DCLK1: variants seen among roughly 807,000 people sequenced by gnomAD.
DCLK1 encodes serine/threonine-protein kinase DCLK1.
Under a neutral mutation model 86.2 loss-of-function variants are expected in DCLK1, and 16 were observed. The ratio of observed to expected loss-of-function variants is 0.19; its 90% confidence interval spans 0.13 to 0.28. DCLK1 has a LOEUF of 0.28. DCLK1 is among the 10% of genes least tolerant of loss of function. The pLI is 1.00. For missense variants in DCLK1, 590 were observed against 940.2 expected (o/e 0.63, Z 4.87); for synonymous variants, 369 against 370.5 (o/e 1.00, Z 0.05).
At chr13:35,900,302 AC>A (rs567057235) in intron 4 of DCLK1, among the ~76,000 whole-genome samples, 2,128 of 149,438 alleles carry the variant, frequency 0.014, 20 homozygotes, top group South Asian at 0.03. Context: ...GTGCAGTGGC[AC>A]CATCTTGGCT....
chr13:36,019,938 T>A (rs1881699572), intron 3 of DCLK1, among the ~76,000 whole-genome samples: 1 of 152,126 alleles, frequency 6.6e-6, no homozygotes, highest in African/African-American at 2.4e-5. Context: ...TAATGGAAAG[T>A]GTTTGGGTCA....
intron 3 of DCLK1, among the ~76,000 whole-genome samples, chr13:36,020,692 G>C (rs1175601070): frequency 2.0e-5 from 3 of 152,050 alleles, no homozygotes; most frequent in Non-Finnish European, 2.9e-5. Flanking sequence ...TGGAAACGGT[G>C]GTGACCAGAA....
At chr13:36,033,793 C>T (rs1338288018) in intron 3 of DCLK1, among the ~76,000 whole-genome samples, 5 of 152,220 alleles carry the variant, frequency 3.3e-5, no homozygotes, top group East Asian at 1.9e-4. Flanking sequence ...GGCGTGGTGA[C>T]GCATGCCTGT....
intron 5 of DCLK1, among the ~76,000 whole-genome samples, chr13:35,857,272 T>A (rs1871115639): frequency 6.6e-6 from 1 of 152,138 alleles, no homozygotes; most frequent in South Asian, 2.1e-4. Flanking sequence ...GACCCTTTGC[T>A]CATTTATAGT....
At chr13:35,778,014 T>C (rs572172197) in intron 16 of DCLK1, among the ~76,000 whole-genome samples, 1 of 152,260 alleles carries the variant, frequency 6.6e-6, no homozygotes, top group African/African-American at 2.4e-5. Context: ...TCTCTGTGTT[T>C]TCCACAGTTC....
rs540674171 is a variant in DCLK1, at chr13:35,989,518, C to T, written c.724-42061G>A. Reference sequence around the variant, plus strand: ...AACTCCTGACCTCAGGTGATCCACCCGCCTCGGCTTCCCAAAGTGCTGGGA... The same window carrying T: ...AACTCCTGACCTCAGGTGATCCACCTGCCTCGGCTTCCCAAAGTGCTGGGA... On this transcript the variant is annotated intron_variant, in intron 3 of 16. Coordinates refer to ENST00000360631, the MANE Select transcript of DCLK1 (RefSeq NM_001330071.2). Among the ~76,000 whole-genome samples the T allele has an allele frequency of 5.3e-5, 8 of 152,132 alleles. No homozygotes were observed. In the South Asian group the frequency reaches 6.2e-4, roughly 12 times the overall value.
At chr13:36,111,734 G>T in intron 3 of DCLK1, 135 bp downstream of exon 3, 1 of 690,298 alleles carries the variant, frequency 1.4e-6, no homozygotes, top group Non-Finnish European at 2.4e-6. Context: ...TCTAGGGCCA[G>T]CAAGTACATA....
intron 3 of DCLK1, among the ~76,000 whole-genome samples, chr13:35,979,105 T>C (rs1170418473): frequency 2.0e-5 from 3 of 152,176 alleles, no homozygotes; most frequent in Non-Finnish European, 4.4e-5. Context: ...CAATCTCACA[T>C]ACAGATCTCT....
intron 4 of DCLK1, among the ~76,000 whole-genome samples, chr13:35,883,086 G>A (rs779313428): frequency 6.6e-6 from 1 of 152,150 alleles, no homozygotes; most frequent in Non-Finnish European, 1.5e-5. Flanking sequence ...AGGAAAGCAG[G>A]CACCAGATTA....
chr13:36,101,572 C>T (rs1280159237), intron 3 of DCLK1, among the ~76,000 whole-genome samples: 3 of 152,132 alleles, frequency 2.0e-5, no homozygotes, highest in Non-Finnish European at 4.4e-5. Flanking sequence ...CTGAGCAGCT[C>T]TTCTGAAACT....
At chr13:36,072,718 G>A (rs374158479) in intron 3 of DCLK1, among the ~76,000 whole-genome samples, 1 of 152,154 alleles carries the variant, frequency 6.6e-6, no homozygotes, top group Non-Finnish European at 1.5e-5. Context: ...AGATGCCAAT[G>A]AGTCTCAAAA....
At chr13:36,025,492 G>A (rs1230322955) in intron 3 of DCLK1, among the ~76,000 whole-genome samples, 3 of 152,152 alleles carry the variant, frequency 2.0e-5, no homozygotes, top group Non-Finnish European at 1.5e-5. Flanking sequence ...GTTCATCATT[G>A]ATTAATTGAT....
At chr13:35,848,056 C>T (rs1870339936) in intron 6 of DCLK1, 1 of 985,268 alleles carries the variant, frequency 1.0e-6, no homozygotes, top group Non-Finnish European at 1.2e-6. Flanking sequence ...ACAATGTCTA[C>T]ATCTAAGAAA....
chr13:35,851,076 T>C (rs188239108), intron 6 of DCLK1, among the ~76,000 whole-genome samples: 1 of 152,288 alleles, frequency 6.6e-6, no homozygotes, highest in East Asian at 1.9e-4. Flanking sequence ...TCCACTACTA[T>C]GTGACTAGGC....
intron 8 of DCLK1, among the ~76,000 whole-genome samples, chr13:35,831,173 A>C (rs1868930836): frequency 1.3e-5 from 2 of 152,220 alleles, no homozygotes; most frequent in Admixed American, 1.3e-4. Flanking sequence ...CTTCCATTAC[A>C]TCTACTCATA....
intron 1 of DCLK1, among the ~76,000 whole-genome samples, chr13:36,127,336 C>G (rs1886222665): frequency 6.6e-6 from 1 of 152,116 alleles, no homozygotes; most frequent in African/African-American, 2.4e-5. Flanking sequence ...AGAGGAACAA[C>G]AAGAAAGGAA....
chr13:35,944,257 T>C (rs1201591426), intron 4 of DCLK1, among the ~76,000 whole-genome samples: 1 of 152,084 alleles, frequency 6.6e-6, no homozygotes, highest in Non-Finnish European at 1.5e-5. Context: ...CCAGGTTAAT[T>C]TGGAAAGTTA....
intron 4 of DCLK1, among the ~76,000 whole-genome samples, chr13:35,905,796 A>G (rs932802335): frequency 1.3e-5 from 2 of 152,020 alleles, no homozygotes; most frequent in African/African-American, 2.4e-5. Context: ...AAATCCAAAA[A>G]AAGTAGCCAG....
intron 3 of DCLK1, among the ~76,000 whole-genome samples, chr13:35,982,699 T>G (rs558942437): frequency 1.4e-3 from 211 of 152,314 alleles, no homozygotes; most frequent in African/African-American, 4.8e-3. Flanking sequence ...TTAAGTTACG[T>G]CTGTTGCGGA....
Sources: gnomAD v4.1 joint callset for allele counts (sites outside exome capture counted in the v4.1 genomes callset) on GRCh38, gnomAD v4.1.1 for gene constraint, MANE v1.5 for transcripts, NCBI Gene and HGNC (gene_info 2026-07-23, HGNC 2026-07-21) for gene names.